Variants in SKAP2 observed in about 807,000 individuals in gnomAD.
The protein encoded by SKAP2 is src kinase-associated phosphoprotein 2.
SKAP2 carries 28 observed loss-of-function variants against 54.9 expected under a neutral mutation model. That is an observed-to-expected ratio of 0.51 (90% CI 0.38 to 0.70). The LOEUF is 0.70. Ranked by LOEUF, SKAP2 falls within the 30% of genes least tolerant of loss-of-function variation. The pLI, the probability that SKAP2 is intolerant of heterozygous loss-of-function variation, is 0.00. For missense variants in SKAP2, 356 were observed against 424.1 expected (o/e 0.84, Z 1.41); for synonymous variants, 137 against 134.3 (o/e 1.02, Z -0.14).
chr7:26,857,729 TG>T (rs1331393328), intron 1 of SKAP2: 1 of 985,358 alleles, frequency 1.0e-6, no homozygotes, highest in Non-Finnish European at 1.2e-6. Flanking sequence ...CAAATGGGGC[TG>T]GATCTGTGGC....
chr7:26,667,948 A>G lies in SKAP2; in HGVS notation c.*1718T>C, dbSNP rs919478798. ...AATTTCAGTCTATTTCAATGGCACT[A>G]TATGAGGAAAAGGTAAGAACTGCAC... On this transcript the variant is annotated 3_prime_UTR_variant, in exon 13 of 13. Coordinates refer to ENST00000345317, the MANE Select transcript of SKAP2 (RefSeq NM_003930.5). The G allele has an allele frequency of 1.3e-5, 2 of 152,198 alleles. No homozygotes were observed. 9.4% of individuals were successfully genotyped at this position (152,198 alleles called of 1,614,324 possible).
chr7:26,850,684 T>C (rs1785021962), intron 3 of SKAP2, among the ~76,000 whole-genome samples: 1 of 152,112 alleles, frequency 6.6e-6, no homozygotes. Context: ...GAACTATCTG[T>C]TCCAGATAAA....
At chr7:26,836,533 T>C (rs761722906) in intron 4 of SKAP2, among the ~76,000 whole-genome samples, 4 of 152,120 alleles carry the variant, frequency 2.6e-5, no homozygotes, top group Non-Finnish European at 5.9e-5. Flanking sequence ...GCGAAGGATA[T>C]GAACAGACAC....
At chr7:26,772,340 A>G (rs1308471145) in intron 4 of SKAP2, among the ~76,000 whole-genome samples, 1 of 152,114 alleles carries the variant, frequency 6.6e-6, no homozygotes, top group Non-Finnish European at 1.5e-5. Flanking sequence ...CGTAGTGAGC[A>G]TAGTACCCAA....
intron 4 of SKAP2, among the ~76,000 whole-genome samples, chr7:26,762,082 T>C (rs1782944659): frequency 6.6e-6 from 1 of 152,126 alleles, no homozygotes; most frequent in African/African-American, 2.4e-5. Context: ...CAGTGACATT[T>C]CCCTGGTACA....
intron 9 of SKAP2, among the ~76,000 whole-genome samples, chr7:26,695,039 A>C (rs750930889): frequency 3.9e-5 from 6 of 152,200 alleles, no homozygotes; most frequent in African/African-American, 1.2e-4. Flanking sequence ...AGGTTGAAGA[A>C]AATTTGTTAA....
chr7:26,863,687 TG>T (rs1785312963), intron 1 of SKAP2, among the ~76,000 whole-genome samples: 1 of 152,168 alleles, frequency 6.6e-6, no homozygotes, highest in African/African-American at 2.4e-5. Flanking sequence ...GGTACAAAGA[TG>T]AAGTACTTTC....
intron 4 of SKAP2, among the ~76,000 whole-genome samples, chr7:26,828,537 C>A (rs1228851936): frequency 6.7e-6 from 1 of 150,350 alleles, no homozygotes; most frequent in Non-Finnish European, 1.5e-5. Flanking sequence ...ATTAGCCGGG[C>A]GTGGTGGTGG....
At chr7:26,725,670 T>C in intron 8 of SKAP2, 105 bp from the exon 9 acceptor site, 1 of 1,115,362 alleles carries the variant, frequency 9.0e-7, no homozygotes, top group Non-Finnish European at 1.3e-6. Flanking sequence ...AACAATATTG[T>C]TATATGTTAT....
intron 4 of SKAP2, among the ~76,000 whole-genome samples, chr7:26,828,982 T>C (rs1235684025): frequency 6.6e-6 from 1 of 151,930 alleles, no homozygotes; most frequent in Non-Finnish European, 1.5e-5. Context: ...TGAGCTAAGA[T>C]CGCGCCATTG....
At chr7:26,787,516 G>A (rs958678419) in intron 4 of SKAP2, among the ~76,000 whole-genome samples, 3 of 152,068 alleles carry the variant, frequency 2.0e-5, no homozygotes, top group African/African-American at 7.2e-5. Flanking sequence ...TGGAGATGGG[G>A]TTTCACCATG....
chr7:26,693,932 A>C (rs1786841529), intron 9 of SKAP2, among the ~76,000 whole-genome samples: 1 of 152,170 alleles, frequency 6.6e-6, no homozygotes, highest in African/African-American at 2.4e-5. Flanking sequence ...ACTTGGCACA[A>C]AGGAGATGTT....
intron 11 of SKAP2, among the ~76,000 whole-genome samples, chr7:26,683,223 CT>C (rs2127936098): frequency 6.6e-6 from 1 of 152,310 alleles, no homozygotes; most frequent in Non-Finnish European, 1.5e-5. Context: ...GGAGCTGAAA[CT>C]AATCAGTTTG....
chr7:26,762,110 C>G (rs146084289), intron 4 of SKAP2, among the ~76,000 whole-genome samples: 198 of 151,998 alleles, frequency 1.3e-3, no homozygotes, highest in Middle Eastern at 6.8e-3. Context: ...TATGATATTG[C>G]AAAGTTCAAT....
At chr7:26,857,310 T>TAAAA (rs59046895) in intron 1 of SKAP2, 2,638 of 91,156 alleles carry the variant, frequency 0.029, 187 homozygotes, top group East Asian at 0.2. Flanking sequence ...CTGCTTTGCT[T>TAAAA]AAAAAAAAAA....
chr7:26,658,931 T>G, the SKAP2 span, among the ~76,000 whole-genome samples: 1 of 151,774 alleles, frequency 6.6e-6, no homozygotes. Context: ...TACAAATGAA[T>G]TATCCTCATT....
chr7:26,727,086 A>G, intron 6 of SKAP2, 80 bp from the exon 7 acceptor site: 1 of 1,160,250 alleles, frequency 8.6e-7, no homozygotes, highest in Non-Finnish European at 1.2e-6. Context: ...TTTCTTCATC[A>G]ATTCTTGGAA....
intron 11 of SKAP2, among the ~76,000 whole-genome samples, chr7:26,677,542 A>G (rs1786378813): frequency 6.6e-6 from 1 of 152,166 alleles, no homozygotes. Context: ...GAAAATAAGC[A>G]TTCATATTTG....
In SKAP2 at chr7:26,716,754, AT is replaced by A. The variant is rs1446994741; in HGVS notation, c.796+8673del. Among the ~76,000 whole-genome samples, 3 of 152,276 alleles carry A rather than the reference AT, an allele frequency of 2.0e-5. No individual in the cohort carries two copies. In the East Asian group the frequency reaches 5.8e-4, roughly 29 times the overall value. On this transcript the variant is annotated intron_variant, in intron 9 of 12. Transcript: ENST00000345317. ...TATTTCCTTAGTACTTAACTCTAAA[AT>A]TTTAACATACATTTCCTAACAAAAA...
Sources: gnomAD v4.1 joint callset for allele counts (sites outside exome capture counted in the v4.1 genomes callset) on GRCh38, gnomAD v4.1.1 for gene constraint, MANE v1.5 for transcripts, NCBI Gene and HGNC (gene_info 2026-07-23, HGNC 2026-07-21) for gene names.